ZNF362: variants seen among roughly 807,000 people sequenced by gnomAD.
ZNF362 encodes rotund homolog.
ZNF362 carries 11 observed loss-of-function variants against 42.9 expected under a neutral mutation model. The observed-to-expected ratio is 0.26, with a 90% CI of 0.16 to 0.42. ZNF362 has a LOEUF of 0.42. Ranked by LOEUF, ZNF362 falls within the 20% of genes least tolerant of loss-of-function variation. ZNF362 has a pLI of 1.00. For missense variants in ZNF362, 362 were observed against 576.2 expected (o/e 0.63, Z 3.81); for synonymous variants, 255 against 257.3 (o/e 0.99, Z 0.09).
At chr1:33,151,267 A>G in the ZNF362 span, among the ~76,000 whole-genome samples, 2 of 152,076 alleles carry the variant, frequency 1.3e-5, no homozygotes, top group Non-Finnish European at 2.9e-5. Context: ...GGATGGGTAC[A>G]GGGCCTGCCA....
chr1:33,233,293 T>G, the ZNF362 span, among the ~76,000 whole-genome samples: 3 of 152,268 alleles, frequency 2.0e-5, no homozygotes, highest in Non-Finnish European at 4.4e-5. Flanking sequence ...AGGCATTGAT[T>G]GCATTGTCAC....
At chr1:33,211,165 C>T in the ZNF362 span, among the ~76,000 whole-genome samples, 1 of 152,090 alleles carries the variant, frequency 6.6e-6, no homozygotes, top group African/African-American at 2.4e-5. Flanking sequence ...AATCTCCTGA[C>T]CTTGTGATCT....
intron 1 of ZNF362, among the ~76,000 whole-genome samples, chr1:33,269,458 A>T (rs1231818305): frequency 1.3e-5 from 2 of 152,058 alleles, no homozygotes; most frequent in Non-Finnish European, 2.9e-5. Context: ...TTGTAATCAT[A>T]GTGTCCGGAT....
the ZNF362 span, chr1:33,165,878 T>G: frequency 2.3e-5 from 5 of 216,624 alleles, no homozygotes; most frequent in Non-Finnish European, 2.7e-5. This position sits in a 1 kb window ranked among gnomAD's most constrained non-coding sequence, Gnocchi z 4.0. Context: ...GATCCCCGCT[T>G]AGAATTAAGG....
chr1:33,229,181 T>C, the ZNF362 span, among the ~76,000 whole-genome samples: 1 of 152,218 alleles, frequency 6.6e-6, no homozygotes, highest in African/African-American at 2.4e-5. Flanking sequence ...TTTCCTTTTC[T>C]CCACAACCCT....
At chr1:33,295,039 C>T (rs913628424) in intron 7 of ZNF362, 24 bp downstream of exon 7, 4 of 1,613,724 alleles carry the variant, frequency 2.5e-6, no homozygotes, top group Non-Finnish European at 2.5e-6. Context: ...TGCCTCCTGC[C>T]CACCAGGTGC....
chr1:33,276,634 T>G, intron 4 of ZNF362, 40 bp downstream of exon 4: 1 of 1,298,358 alleles, frequency 7.7e-7, no homozygotes. Context: ...CGGTGAGGAC[T>G]GGGCAGGAGG....
the ZNF362 span, among the ~76,000 whole-genome samples, chr1:33,129,440 T>A: frequency 1.3e-5 from 2 of 152,234 alleles, no homozygotes; most frequent in African/African-American, 4.8e-5. This position sits in a 1 kb window ranked among gnomAD's most constrained non-coding sequence, Gnocchi z 4.1. Context: ...GTCCTGTGGT[T>A]CATCTTTTGA....
rs1646146817 is a variant in ZNF362 at position 33,299,113 on chromosome 1, G to C, written c.*67G>C. On this transcript the variant is annotated 3_prime_UTR_variant, in exon 9 of 9. Coordinates refer to ENST00000539719, the MANE Select transcript of ZNF362 (RefSeq NM_152493.3). ...CAGACCCAGGCAGCACCAGGCCCCA[G>C]CTCCCTCCGGGGGCCCTCCAGGAAC... 13 of 1,280,352 alleles carry C rather than the reference G, an allele frequency of 1.0e-5. No homozygotes were observed. Among genetic ancestry groups the C allele is most frequent in the Non-Finnish European group, 1.3e-5 (12 of 894,038 alleles). 79.3% of individuals were successfully genotyped at this position (1,280,352 alleles called of 1,614,324 possible).
the ZNF362 span, among the ~76,000 whole-genome samples, chr1:33,236,550 A>AAAAAAATATATATATATAT: frequency 8.4e-4 from 5 of 5,978 alleles, no homozygotes; most frequent in African/African-American, 1.6e-3. Context: ...AAAAAAAAAA[A>AAAAAAATATATATATATAT]ATATATATAT....
the ZNF362 span, among the ~76,000 whole-genome samples, chr1:33,129,835 A>G: frequency 6.6e-6 from 1 of 152,086 alleles, no homozygotes; most frequent in African/African-American, 2.4e-5. This position sits in a 1 kb window ranked among gnomAD's most constrained non-coding sequence, Gnocchi z 4.1. Context: ...TGAGCGGGGG[A>G]GAGAGGAGGT....
At chr1:33,221,240 G>T in the ZNF362 span, among the ~76,000 whole-genome samples, 1 of 152,204 alleles carries the variant, frequency 6.6e-6, no homozygotes, top group Non-Finnish European at 1.5e-5. Context: ...AACCCCAGCC[G>T]CAGGCAGAGG....
the ZNF362 span, among the ~76,000 whole-genome samples, chr1:33,191,572 T>G: frequency 1.2e-4 from 19 of 152,152 alleles, no homozygotes; most frequent in African/African-American, 4.1e-4. Flanking sequence ...TGGCACGATC[T>G]TGGTTCACTG....
the ZNF362 span, among the ~76,000 whole-genome samples, chr1:33,250,852 G>GAAGAAGAA: frequency 6.3e-4 from 86 of 137,590 alleles, no homozygotes; most frequent in African/African-American, 1.8e-3. Flanking sequence ...GAAGAAAGAA[G>GAAGAAGAA]GAAGAAGAAG....
the ZNF362 span, among the ~76,000 whole-genome samples, chr1:33,250,859 G>GAAGAAGAAGAAGAAGAAGA: frequency 3.5e-5 from 5 of 141,656 alleles, no homozygotes; most frequent in African/African-American, 1.4e-4. Context: ...GAAGGAAGAA[G>GAAGAAGAAGAAGAAGAAGA]AAGAAGAAGA....
upstream of ZNF362, among the ~76,000 whole-genome samples, chr1:33,255,590 G>A (rs1383913420): frequency 6.6e-6 from 1 of 152,130 alleles, no homozygotes; most frequent in African/African-American, 2.4e-5. Context: ...GGCGGGAGGA[G>A]GAGTCACACA....
the ZNF362 span, among the ~76,000 whole-genome samples, chr1:33,160,830 C>T: frequency 1.9e-4 from 29 of 152,204 alleles, no homozygotes; most frequent in African/African-American, 5.8e-4. Context: ...GGTGGTTACT[C>T]GCTGTCTCCT....
the ZNF362 span, among the ~76,000 whole-genome samples, chr1:33,224,987 G>T: frequency 6.6e-6 from 1 of 151,898 alleles, no homozygotes; most frequent in Non-Finnish European, 1.5e-5. Context: ...AGAGCCAGAA[G>T]ACAACAACTA....
chr1:33,278,571 T>A (rs1157031960), intron 4 of ZNF362, among the ~76,000 whole-genome samples: 1 of 152,060 alleles, frequency 6.6e-6, no homozygotes, highest in African/African-American at 2.4e-5. Flanking sequence ...AGTATGAAAA[T>A]CTCCTTTTAC....
Sources: gnomAD v4.1 joint callset for allele counts (sites outside exome capture counted in the v4.1 genomes callset) on GRCh38, gnomAD v4.1.1 for gene constraint, Gnocchi (gnomAD v3.1) non-coding constraint, MANE v1.5 for transcripts, NCBI Gene and HGNC (gene_info 2026-07-23, HGNC 2026-07-21) for gene names.